Variants in TBC1D5 observed in about 807,000 individuals in gnomAD.
TBC1D5 encodes the protein TBC1 domain family member 5, also known as TBC1 domain family, member 5.
A neutral mutation model predicts 100.3 loss-of-function variants in TBC1D5; 75 were observed. The ratio of observed to expected loss-of-function variants is 0.75; its 90% confidence interval spans 0.62 to 0.91. The LOEUF is 0.91. Among genes scored for constraint, TBC1D5 ranks in the 40% least tolerant of loss-of-function variants. The probability of loss-of-function intolerance (pLI) is 0.00; values close to 1 mark genes in which losing one functional copy is unlikely to be tolerated. For missense variants in TBC1D5, 910 were observed against 942.4 expected (o/e 0.97, Z 0.45); for synonymous variants, 323 against 325.6 (o/e 0.99, Z 0.09).
chr3:17,691,166 T>C (rs557327084), intron 1 of TBC1D5, among the ~76,000 whole-genome samples: 1 of 152,266 alleles, frequency 6.6e-6, no homozygotes, highest in East Asian at 1.9e-4. Flanking sequence ...CTATATAAAG[T>C]TGGTGCTCTC....
intron 2 of TBC1D5, among the ~76,000 whole-genome samples, chr3:17,593,593 C>A (rs138477800): frequency 3.3e-5 from 5 of 152,308 alleles, no homozygotes; most frequent in African/African-American, 1.2e-4. Context: ...CTATCCTGCA[C>A]GCAATGCTTC....
chr3:17,174,653 G>T (rs1047312058), intron 19 of TBC1D5, among the ~76,000 whole-genome samples: 2 of 152,126 alleles, frequency 1.3e-5, no homozygotes, highest in African/African-American at 4.8e-5. Context: ...GAGTGCAGTG[G>T]CACAATCTCG....
chr3:17,693,123 G>A (rs2071417435), intron 1 of TBC1D5, among the ~76,000 whole-genome samples: 1 of 152,204 alleles, frequency 6.6e-6, no homozygotes. Flanking sequence ...CTTCCAAGAT[G>A]GCCAAATAGG....
chr3:17,166,332 A>C (rs1432466287), intron 21 of TBC1D5, among the ~76,000 whole-genome samples: 1 of 152,214 alleles, frequency 6.6e-6, no homozygotes, highest in African/African-American at 2.4e-5. Context: ...GAAGGCAAGA[A>C]AGTAATTTTG....
intron 13 of TBC1D5, among the ~76,000 whole-genome samples, chr3:17,368,158 T>G (rs1007370582): frequency 6.6e-6 from 1 of 152,134 alleles, no homozygotes; most frequent in Non-Finnish European, 1.5e-5. Context: ...AACTGTTATA[T>G]AATATTCAAG....
At chr3:17,204,865 T>G (rs1444697339) in intron 18 of TBC1D5, among the ~76,000 whole-genome samples, 2 of 152,216 alleles carry the variant, frequency 1.3e-5, no homozygotes. Context: ...CTCCCTTTGA[T>G]GTTCACATTT....
intron 15 of TBC1D5, among the ~76,000 whole-genome samples, chr3:17,269,302 C>G (rs1316097070): frequency 6.6e-6 from 1 of 152,124 alleles, no homozygotes; most frequent in East Asian, 1.9e-4. Flanking sequence ...AAGTTGTCTA[C>G]TTCTGAAGAG....
intron 2 of TBC1D5, among the ~76,000 whole-genome samples, chr3:17,566,520 A>G (rs116198321): frequency 0.023 from 3,484 of 151,970 alleles, 57 homozygotes; most frequent in Non-Finnish European, 0.035. Flanking sequence ...ACTTTTTGCT[A>G]TAAAACACTG....
At chr3:17,452,639 C>T (rs546923304) in intron 3 of TBC1D5, among the ~76,000 whole-genome samples, 3 of 152,112 alleles carry the variant, frequency 2.0e-5, no homozygotes, top group African/African-American at 7.2e-5. Context: ...TATATGCATC[C>T]AGTACTGAGC....
intron 8 of TBC1D5, among the ~76,000 whole-genome samples, chr3:17,402,785 ACAG>A (rs754791962): frequency 2.0e-4 from 31 of 152,160 alleles, no homozygotes; most frequent in Admixed American, 1.2e-3. Context: ...GATAAGAATA[ACAG>A]TTGTCATTTA....
At chr3:17,620,056 AG>A (rs1366429434) in intron 2 of TBC1D5, among the ~76,000 whole-genome samples, 53 of 152,334 alleles carry the variant, frequency 3.5e-4, no homozygotes, top group African/African-American at 1.2e-3. Flanking sequence ...ACACTGCAGC[AG>A]GGAAGGCAAA....
intron 2 of TBC1D5, among the ~76,000 whole-genome samples, chr3:17,614,454 T>C (rs750102510): frequency 2.0e-5 from 3 of 152,242 alleles, no homozygotes; most frequent in Non-Finnish European, 4.4e-5. Context: ...GGCGATGGTA[T>C]TGAATCTATA....
At chr3:17,660,399 A>G (rs1032825675) in intron 1 of TBC1D5, among the ~76,000 whole-genome samples, 1 of 152,208 alleles carries the variant, frequency 6.6e-6, no homozygotes, top group Non-Finnish European at 1.5e-5. Context: ...TACCTGAGCT[A>G]GATCCTGAAC....
intron 1 of TBC1D5, among the ~76,000 whole-genome samples, chr3:17,626,680 A>G (rs1365527031): frequency 6.6e-6 from 1 of 152,236 alleles, no homozygotes; most frequent in Middle Eastern, 3.2e-3. Context: ...GGAAAAAAGT[A>G]CGTTAAGCTT....
At chr3:17,354,940 T>A (rs2151763514) in intron 13 of TBC1D5, among the ~76,000 whole-genome samples, 1 of 152,152 alleles carries the variant, frequency 6.6e-6, no homozygotes. Context: ...AAATTTGTTG[T>A]TGTCTGCCAA....
chr3:17,393,788 T>G (rs1380815800), intron 8 of TBC1D5, among the ~76,000 whole-genome samples: 1 of 152,154 alleles, frequency 6.6e-6, no homozygotes, highest in Non-Finnish European at 1.5e-5. Flanking sequence ...AAACTGAGCC[T>G]GGACCCCTTC....
At chr3:17,166,830 G>A (rs1187910823) in exon 21 of TBC1D5, 2 of 1,614,226 alleles carry the variant, frequency 1.2e-6, no homozygotes, top group Non-Finnish European at 1.7e-6. Context: ...CCTGGCCGCT[G>A]GAGCAGTAGT....
At chr3:17,566,148 T>C (rs978934048) in intron 2 of TBC1D5, among the ~76,000 whole-genome samples, 1 of 152,014 alleles carries the variant, frequency 6.6e-6, no homozygotes, top group South Asian at 2.1e-4. Context: ...ATAGATAAGC[T>C]TAAGTGCTTA....
intron 1 of TBC1D5, among the ~76,000 whole-genome samples, chr3:17,731,876 A>AT: frequency 6.6e-6 from 1 of 152,310 alleles, no homozygotes; most frequent in Non-Finnish European, 1.5e-5. Flanking sequence ...ACTTGTAAAG[A>AT]TTTTTTGTAA....
Sources: allele counts gnomAD v4.1 joint callset (sites outside exome capture counted in the v4.1 genomes callset), GRCh38; gene constraint gnomAD v4.1.1; transcripts MANE v1.5; gene names NCBI Gene and HGNC (gene_info 2026-07-23, HGNC 2026-07-21).